The following ZNF608 variants were observed in gnomAD, a reference collection of about 807,000 sequenced individuals.
ZNF608 encodes zinc finger protein 608, also known as renal carcinoma antigen NY-REN-36.
Under a neutral mutation model 109.0 loss-of-function variants are expected in ZNF608, and 12 were observed. The observed-to-expected ratio is 0.11, with a 90% CI of 0.07 to 0.18. ZNF608 has a LOEUF of 0.18. Ranked by LOEUF, ZNF608 falls within the 10% of genes least tolerant of loss-of-function variation. The pLI, the probability that ZNF608 is intolerant of heterozygous loss-of-function variation, is 1.00. For missense variants in ZNF608, 1,707 were observed against 1,879.3 expected (o/e 0.91, Z 1.70); for synonymous variants, 732 against 717.4 (o/e 1.02, Z -0.33).
At chr5:124,710,540 A>G (rs1357509504) in intron 2 of ZNF608, 3 of 244,644 alleles carry the variant, frequency 1.2e-5, no homozygotes, top group Non-Finnish European at 2.5e-5. Context: ...ACAGAAGAAG[A>G]CAATTTTGAC....
chr5:124,725,331 G>C (rs377117903), intron 2 of ZNF608, among the ~76,000 whole-genome samples: 2 of 151,944 alleles, frequency 1.3e-5, no homozygotes, highest in African/African-American at 4.8e-5. Context: ...TGATAGCAGA[G>C]ACTTGGTTTC....
intron 7 of ZNF608, among the ~76,000 whole-genome samples, chr5:124,642,011 C>A (rs1750266490): frequency 6.6e-6 from 1 of 152,180 alleles, no homozygotes; most frequent in Non-Finnish European, 1.5e-5. Flanking sequence ...GACTTTCTAC[C>A]TTTACAGCCT....
rs1307930918 is a variant in ZNF608 at position 124,646,618 on chromosome 5, C to T, written c.3705+61G>A. ...GAAGTCTAACCAGATCAAGCCCAGACATGTATAATACAAGTCTCAGACTGC... is the reference window on the plus strand; with the variant it reads ...GAAGTCTAACCAGATCAAGCCCAGATATGTATAATACAAGTCTCAGACTGC... On this transcript the variant is annotated intron_variant, in intron 5 of 9. Transcript: ENST00000513986. 5 of 1,536,786 alleles carry T rather than the reference C, an allele frequency of 3.3e-6. No individual in the cohort carries two copies. The African/African-American group carries it at 5.5e-5, about 17-fold the overall frequency.
At chr5:124,683,558 G>C (rs1347587375) in intron 3 of ZNF608, among the ~76,000 whole-genome samples, 1 of 152,074 alleles carries the variant, frequency 6.6e-6, no homozygotes, top group Non-Finnish European at 1.5e-5. Flanking sequence ...AAAATATAGA[G>C]GAAAATGCCA....
intron 3 of ZNF608, among the ~76,000 whole-genome samples, chr5:124,662,520 C>T (rs1423661064): frequency 6.6e-6 from 1 of 152,250 alleles, no homozygotes; most frequent in Non-Finnish European, 1.5e-5. Context: ...CCCAAGTCAA[C>T]CTCCAAGACT....
chr5:124,640,449 C>A (rs111693747), intron 8 of ZNF608, among the ~76,000 whole-genome samples: 15 of 152,300 alleles, frequency 9.8e-5, no homozygotes, highest in African/African-American at 3.1e-4. Flanking sequence ...GTCATATGAG[C>A]GCACAGCAAG....
chr5:124,748,379 C>T (rs1275550381), upstream of ZNF608, among the ~76,000 whole-genome samples: 1 of 152,242 alleles, frequency 6.6e-6, no homozygotes, highest in African/African-American at 2.4e-5. Context: ...TCACCCTCCA[C>T]TGAATAAAAT....
rs182350770 is a variant in ZNF608, at chr5:124,662,667, T to C, written c.1163-12970A>G. Among the ~76,000 whole-genome samples the C allele has an allele frequency of 1.8e-3, 267 of 152,356 alleles. 2 individuals carry two copies. The highest frequency in any genetic ancestry group is 6.0e-3 in the African/African-American group (251 of 41,584). On this transcript the variant is annotated intron_variant, in intron 3 of 9. Transcript: ENST00000513986. ...CCTGCAGGGCAGCCGACTTCAAGCC[T>C]TTTCCAGAAAGTAATGCACTGTTAA... is the stretch of plus-strand genomic sequence containing the variant.
Position 124,647,535 on chromosome 5 carries a change from C to T in ZNF608, c.2849G>A (p.Gly950Asp). The T allele has an allele frequency of 1.9e-6, 3 of 1,614,216 alleles. No individual in the cohort carries two copies. Among genetic ancestry groups the T allele is most frequent in the South Asian group, 2.2e-5 (2 of 91,086 alleles). ...SDISDAADDGGSDSRSEGMRS... is the reference protein window; with the variant it reads ...SDISDAADDGDSDSRSEGMRS... ...CATACCCTCCGACCTGCTGTCAGAA[C>T]CACCATCGTCAGCAGCATCAGATAT... The change falls in exon 5 of 10, where the codon GGT becomes GAT. Residue 950 changes from glycine (G) to aspartate (D), a missense_variant. Gly to Asp is a moderately conservative substitution (Grantham distance 94). Around this residue, in one of 7 missense-constraint regions of ZNF608, gnomAD observed 1,073 missense variants for 1,133.5 expected, o/e 0.95. Transcript: ENST00000513986.
intron 3 of ZNF608, among the ~76,000 whole-genome samples, chr5:124,667,666 A>G (rs1002321461): frequency 1.3e-5 from 2 of 152,228 alleles, no homozygotes; most frequent in African/African-American, 4.8e-5. Context: ...TAACAAGTGC[A>G]TATCATGCTG....
intron 3 of ZNF608, among the ~76,000 whole-genome samples, chr5:124,661,161 G>C (rs977074853): frequency 2.0e-5 from 3 of 152,200 alleles, no homozygotes; most frequent in African/African-American, 7.2e-5. Context: ...AGGCAACTGA[G>C]AAATGCAGTT....
chr5:124,681,283 T>A (rs977530236), intron 3 of ZNF608, among the ~76,000 whole-genome samples: 3 of 151,932 alleles, frequency 2.0e-5, no homozygotes, highest in Admixed American at 1.3e-4. Context: ...TGAAACCCCG[T>A]CTCTAATAAA....
At chr5:124,689,466 C>CCA (rs757156906) in intron 3 of ZNF608, among the ~76,000 whole-genome samples, 2 of 130,758 alleles carry the variant, frequency 1.5e-5, no homozygotes. Context: ...CCCTGTCCCT[C>CCA]AAAAAAAAAA....
chr5:124,744,475 G>A lies in ZNF608; in HGVS notation c.515C>T (p.Thr172Ile). 1 of 1,614,196 alleles carries A rather than the reference G, an allele frequency of 6.2e-7. No individual in the cohort carries two copies. Among genetic ancestry groups the A allele is most frequent in the Non-Finnish European group, 8.5e-7 (1 of 1,180,038 alleles). The change falls in exon 2 of 10, where the codon ACC (threonine) becomes ATC (isoleucine). Residue 172 changes from threonine (T) to isoleucine (I), a missense_variant. Thr to Ile is a moderately conservative substitution (Grantham distance 89). This residue lies in a region of ZNF608 where 407 missense variants were observed against 398.7 expected (regional missense o/e 1.02). Coordinates refer to ENST00000513986, the MANE Select transcript of ZNF608 (RefSeq NM_020747.3). The surrounding 1 kb of genome is among the most constrained non-coding windows in gnomAD (Gnocchi z 4.5). ...SGNPNSNSTSTSTSAATAGAG... is the reference protein window; with the variant it reads ...SGNPNSNSTSISTSAATAGAG... ...CCCCGCGGTGGCGGCAGAGGTGCTG[G>A]TGCTGGTACTATTGCTGTTTGGGTT...
intron 3 of ZNF608, among the ~76,000 whole-genome samples, chr5:124,667,550 A>G (rs1751529390): frequency 6.6e-6 from 1 of 152,204 alleles, no homozygotes. Flanking sequence ...TCGATGTTGA[A>G]ATTCCAAATT....
intron 3 of ZNF608, among the ~76,000 whole-genome samples, chr5:124,700,656 A>G (rs1274897260): frequency 6.6e-6 from 1 of 152,262 alleles, no homozygotes; most frequent in Non-Finnish European, 1.5e-5. Flanking sequence ...ATGTCAAGAC[A>G]GACACATTTG....
rs150751358 is a variant in ZNF608, at chr5:124,647,651, G to A, written c.2733C>T (p.Asn911=). The change falls in exon 5 of 10, where the codon AAC becomes AAT. Residue 911 remains asparagine, a synonymous_variant. Coordinates refer to ENST00000513986, the MANE Select transcript of ZNF608 (RefSeq NM_020747.3). ...GCAGAGGTGCCATTGGTGCCTGCCCGTTCACCAAAGTGCTGCATTCCAGCC... is the reference window on the plus strand; with the variant it reads ...GCAGAGGTGCCATTGGTGCCTGCCCATTCACCAAAGTGCTGCATTCCAGCC... ...ASRLECSTLV[N]GQAPMAPLHV... is the part of the protein sequence containing the mutation. The A allele has an allele frequency of 8.8e-5, 142 of 1,614,156 alleles. No individual in the cohort carries two copies. The African/African-American group carries it at 1.5e-3, about 17-fold the overall frequency.
intron 3 of ZNF608, among the ~76,000 whole-genome samples, chr5:124,675,810 A>ACT (rs1751924683): frequency 6.6e-6 from 1 of 152,174 alleles, no homozygotes; most frequent in African/African-American, 2.4e-5. Flanking sequence ...GACAAGACAG[A>ACT]CTCCATGCCC....
chr5:124,659,968 G>A (rs994021940), intron 3 of ZNF608, among the ~76,000 whole-genome samples: 8 of 152,024 alleles, frequency 5.3e-5, no homozygotes, highest in Non-Finnish European at 8.8e-5. Flanking sequence ...TAGCTATACC[G>A]GGCCCAGGAG....
Sources: gnomAD v4.1 joint callset for allele counts (sites outside exome capture counted in the v4.1 genomes callset) on GRCh38, gnomAD v4.1.1 for gene constraint, gnomAD v4.1.1 regional missense constraint, Gnocchi (gnomAD v3.1) non-coding constraint, MANE v1.5 for transcripts, NCBI Gene and HGNC (gene_info 2026-07-23, HGNC 2026-07-21) for gene names.